The following ZNF518A variants were observed in gnomAD, a reference collection of about 807,000 sequenced individuals.
ZNF518A encodes zinc finger protein 518.
Under a neutral mutation model 102.7 loss-of-function variants are expected in ZNF518A, and 47 were observed. The observed-to-expected ratio is 0.46, with a 90% CI of 0.36 to 0.58. ZNF518A has a LOEUF of 0.58. ZNF518A is among the 20% of genes least tolerant of loss of function. The pLI is 0.00. For missense variants in ZNF518A, 1,793 were observed against 1,699.8 expected (o/e 1.05, Z -0.96); for synonymous variants, 652 against 594.6 (o/e 1.10, Z -1.40).
chr10:96,157,711 C>G lies in ZNF518A; in HGVS notation c.1389C>G (p.Ile463Met), dbSNP rs782396798. Residue 463 changes from isoleucine to methionine, a missense_variant, in exon 6 of 6, where the codon ATC (isoleucine) becomes ATG (methionine). Physicochemically the swap from Ile to Met is conservative, Grantham distance 10. Around this residue, in one of 3 missense-constraint regions of ZNF518A, gnomAD observed 1,741 missense variants for 1,622.6 expected, o/e 1.07. Transcript: ENST00000316045. ...ATATTGTATTAAAATTGGTGCCTAT[C>G]AAACAAAATGTATGTTCACCAGGCT... ...KQHIVLKLVP[I>M]KQNVCSPGSQ... is the part of the protein sequence containing the mutation. 1 of 1,613,888 alleles carries G rather than the reference C, an allele frequency of 6.2e-7. No individual in the cohort carries two copies. The highest frequency in any genetic ancestry group is 8.5e-7 in the Non-Finnish European group (1 of 1,179,800).
intron 1 of ZNF518A, chr10:96,190,022 A>T: frequency 2.5e-6 from 2 of 806,628 alleles, no homozygotes; most frequent in African/African-American, 3.3e-5. Context: ...CTGCCTTCAT[A>T]ATTCATTGCC....
At chr10:96,150,335 G>GAA (rs72116620) in intron 3 of ZNF518A, among the ~76,000 whole-genome samples, 38 of 136,440 alleles carry the variant, frequency 2.8e-4, no homozygotes, top group African/African-American at 7.4e-4. Flanking sequence ...CTCCATTTCG[G>GAA]AAAAAAAAAA....
At chr10:96,186,972 T>C (rs894036491) in intron 1 of ZNF518A, among the ~76,000 whole-genome samples, 2 of 152,194 alleles carry the variant, frequency 1.3e-5, no homozygotes, top group African/African-American at 2.4e-5. Context: ...ATTTTGTCCA[T>C]GGATAGGCCA....
At chr10:96,140,584 T>C (rs2081868600) in intron 3 of ZNF518A, among the ~76,000 whole-genome samples, 1 of 152,186 alleles carries the variant, frequency 6.6e-6, no homozygotes, top group African/African-American at 2.4e-5. Context: ...ATGGCTCTTA[T>C]GTCACTTTGG....
intron 3 of ZNF518A, among the ~76,000 whole-genome samples, chr10:96,145,325 C>T (rs1248036878): frequency 1.6e-4 from 24 of 152,198 alleles, no homozygotes; most frequent in Admixed American, 1.6e-3. Context: ...CCACCTTGGC[C>T]TCCCAAAGTG....
chr10:96,188,775 AT>A (rs1204057788), intron 1 of ZNF518A, among the ~76,000 whole-genome samples: 11 of 152,184 alleles, frequency 7.2e-5, no homozygotes, highest in African/African-American at 2.7e-4. Context: ...ATGCATATAA[AT>A]TTTATTAGGT....
At chr10:96,179,372 G>A (rs2083225025) in intron 1 of ZNF518A, among the ~76,000 whole-genome samples, 1 of 152,090 alleles carries the variant, frequency 6.6e-6, no homozygotes, top group African/African-American at 2.4e-5. Flanking sequence ...CACATGAAAA[G>A]ATACTCAGTA....
chr10:96,184,048 G>A (rs965537180), intron 1 of ZNF518A, among the ~76,000 whole-genome samples: 16 of 152,036 alleles, frequency 1.1e-4, no homozygotes, highest in Non-Finnish European at 1.5e-4. Context: ...TGTTGAATTC[G>A]TCCCTTTACC....
At chr10:96,131,492 T>C (rs1203169407) in intron 1 of ZNF518A, among the ~76,000 whole-genome samples, 2 of 152,214 alleles carry the variant, frequency 1.3e-5, no homozygotes, top group Non-Finnish European at 2.9e-5. Flanking sequence ...TGGGATTTCC[T>C]GGGGAAGGTA....
rs1564774941 is a variant in ZNF518A at position 96,157,972 on chromosome 10, A to G, written c.1650A>G (p.Val550=). The part of the protein sequence containing the change: ...MLQTMDYEKS[V]SSLSATSELV... ...AAACAATGGATTATGAGAAAAGTGT[A>G]TCTTCTTTGTCAGCAACATCAGAAT... Residue 550 remains valine, a synonymous_variant, in exon 6 of 6, where the codon GTA becomes GTG. Coordinates refer to ENST00000316045, the MANE Select transcript of ZNF518A (RefSeq NM_001330736.2). 2 of 1,613,840 alleles carry G rather than the reference A, an allele frequency of 1.2e-6. No homozygotes were observed. The highest frequency in any genetic ancestry group is 1.1e-5 in the South Asian group (1 of 91,072).
At chr10:96,199,792 G>T (rs587684483) in intron 1 of ZNF518A, among the ~76,000 whole-genome samples, 6 of 152,256 alleles carry the variant, frequency 3.9e-5, no homozygotes, top group Admixed American at 1.3e-4. Context: ...GGCCAAGGCC[G>T]CCAGGCAGAT....
rs782799327 is a variant in ZNF518A, at chr10:96,160,520, TATG to T, written c.4204_4206del (p.Asp1402del). The T allele has an allele frequency of 2.1e-5, 34 of 1,612,400 alleles. No homozygotes were observed. Among genetic ancestry groups the T allele is most frequent in the East Asian group, 1.3e-4 (6 of 44,850 alleles). On this transcript the variant is annotated inframe_deletion, in exon 6 of 6. Coordinates refer to ENST00000316045, the MANE Select transcript of ZNF518A (RefSeq NM_001330736.2). ...TTGTTATAACCCTCCTAAAACAACTTATGATGATTTTTCCAAGAGGCACAAAAC... is the reference window on the plus strand; with the variant it reads ...TTGTTATAACCCTCCTAAAACAACTTATGATTTTTCCAAGAGGCACAAAAC...
chr10:96,168,376 T>TA (rs782808767), downstream of ZNF518A, among the ~76,000 whole-genome samples: 279 of 147,836 alleles, frequency 1.9e-3, no homozygotes, highest in African/African-American at 2.6e-3. Flanking sequence ...TGTTCCAAAT[T>TA]AAAAAAAAAA....
At chr10:96,133,128 T>C (rs587652076) in intron 2 of ZNF518A, among the ~76,000 whole-genome samples, 1 of 152,278 alleles carries the variant, frequency 6.6e-6, no homozygotes, top group South Asian at 2.1e-4. Context: ...TTACTTAACA[T>C]TTTATTAGAA....
intron 3 of ZNF518A, among the ~76,000 whole-genome samples, chr10:96,155,014 A>G (rs2082630668): frequency 6.6e-6 from 1 of 152,172 alleles, no homozygotes; most frequent in East Asian, 1.9e-4. Context: ...TGTGATTTAT[A>G]CTATGTTTTG....
At chr10:96,129,912 C>G (rs587627170), upstream of ZNF518A, 29 of 152,678 alleles carry the variant, frequency 1.9e-4, no homozygotes, top group African/African-American at 6.7e-4. Context: ...GAGAGGTCAG[C>G]GGCGAACCCA....
At chr10:96,197,106 C>T in intron 1 of ZNF518A, 1 of 1,511,578 alleles carries the variant, frequency 6.6e-7, no homozygotes, top group Non-Finnish European at 9.0e-7. Context: ...GTTAGTATTA[C>T]TTATATTTCT....
In ZNF518A at chr10:96,174,205, A is replaced by C. The variant is rs190484982; in HGVS notation, n.35+18158A>C. Among the ~76,000 whole-genome samples, 26 of 149,908 alleles carry C rather than the reference A, an allele frequency of 1.7e-4. No homozygotes were observed. In the East Asian group the frequency reaches 4.6e-3, roughly 27 times the overall value. The stretch of plus-strand genomic sequence containing the variant: ...GGTAACTTTTATGTATACTTACCAC[A>C]ATAAACAAGAAGAAAGATTTCAAAT... On this transcript the variant is annotated intron_variant and non_coding_transcript_variant, in intron 1 of 2. Coordinates refer to the ZNF518A transcript ENST00000442635.
intron 3 of ZNF518A, among the ~76,000 whole-genome samples, chr10:96,149,348 C>T (rs1433911944): frequency 3.9e-5 from 6 of 152,164 alleles, no homozygotes; most frequent in Admixed American, 1.3e-4. Context: ...TGTATATGGT[C>T]GTTTAATCCT....
Sources: allele counts gnomAD v4.1 joint callset (sites outside exome capture counted in the v4.1 genomes callset), GRCh38; gene constraint gnomAD v4.1.1; regional missense constraint gnomAD v4.1.1; transcripts MANE v1.5; gene names NCBI Gene and HGNC (gene_info 2026-07-23, HGNC 2026-07-21).